FSTL5: variants seen among roughly 807,000 people sequenced by gnomAD.
FSTL5 encodes the protein follistatin-related protein 5.
FSTL5 carries 62 observed loss-of-function variants against 89.1 expected under a neutral mutation model. The ratio of observed to expected loss-of-function variants is 0.70; its 90% CI spans 0.57 to 0.86. The LOEUF is 0.86. Among genes scored for constraint, FSTL5 ranks in the 40% least tolerant of loss-of-function variants. The pLI is 0.00. For missense variants in FSTL5, 1,057 were observed against 1,001.6 expected, an observed-to-expected ratio of 1.06 and a Z score of -0.75; for synonymous variants, 383 against 346.2, an observed-to-expected ratio of 1.11 and a Z score of -1.18.
intron 3 of FSTL5, among the ~76,000 whole-genome samples, chr4:161,957,773 A>G (rs1269464576): frequency 6.6e-6 from 1 of 152,128 alleles, no homozygotes; most frequent in Non-Finnish European, 1.5e-5. Flanking sequence ...TAAAGTATAC[A>G]ATTTAAAGCT....
chr4:161,510,713 A>G (rs1384865991), intron 10 of FSTL5, among the ~76,000 whole-genome samples: 2 of 151,742 alleles, frequency 1.3e-5, no homozygotes, highest in Non-Finnish European at 3.0e-5. Context: ...TAGGAAGTTT[A>G]TAAGTTAGTT....
intron 3 of FSTL5, among the ~76,000 whole-genome samples, chr4:161,952,697 T>A (rs900124686): frequency 2.0e-5 from 3 of 151,852 alleles, no homozygotes; most frequent in Admixed American, 6.6e-5. Context: ...AACAAATAGA[T>A]AAAGGATGCC....
intron 4 of FSTL5, among the ~76,000 whole-genome samples, chr4:161,782,267 G>A (rs1458914957): frequency 6.6e-6 from 1 of 152,160 alleles, no homozygotes; most frequent in Non-Finnish European, 1.5e-5. Flanking sequence ...CAAAAAGCAT[G>A]ATTGCTGCAT....
At chr4:161,497,535 C>G (rs1314041062) in intron 12 of FSTL5, among the ~76,000 whole-genome samples, 1 of 152,004 alleles carries the variant, frequency 6.6e-6, no homozygotes, top group African/African-American at 2.4e-5. Flanking sequence ...ATAGTTTTCT[C>G]CTTTCTTAAA....
At chr4:161,960,861 A>C (rs1346476371) in intron 3 of FSTL5, among the ~76,000 whole-genome samples, 1 of 152,046 alleles carries the variant, frequency 6.6e-6, no homozygotes, top group Admixed American at 6.6e-5. Flanking sequence ...GGAAAAATAA[A>C]CTAACAAGTC....
intron 8 of FSTL5, among the ~76,000 whole-genome samples, chr4:161,548,221 G>T (rs1015690127): frequency 2.6e-5 from 4 of 151,660 alleles, no homozygotes; most frequent in Non-Finnish European, 5.9e-5. Context: ...GCTCACTTTT[G>T]TTCATTTAAT....
rs1228159941 is a variant in FSTL5, at chr4:161,920,405, T to C, written c.408A>G (p.Lys136=). 2 of 1,613,602 alleles carry C rather than the reference T, an allele frequency of 1.2e-6. No individual in the cohort carries two copies. The highest frequency in any genetic ancestry group is 1.7e-6 in the Non-Finnish European group (2 of 1,179,786). Residue 136 remains lysine, a splice_region_variant and synonymous_variant, in exon 4 of 16, where the codon AAA becomes AAG. Coordinates refer to ENST00000306100, the MANE Select transcript of FSTL5 (RefSeq NM_020116.5). The part of the protein sequence containing the change: ...TIVHNEDCFF[K]GDKCKTTEYS... ...ACTTAAGGTTCACCCTTCATTTACC[T>C]TTAAAGAAGCAGTCTTCATTGTGAA...
chr4:162,113,117 C>T (rs1022554338), intron 1 of FSTL5, among the ~76,000 whole-genome samples: 3 of 152,054 alleles, frequency 2.0e-5, no homozygotes, highest in African/African-American at 7.2e-5. Flanking sequence ...ATATATATTG[C>T]TTCACACCCA....
chr4:161,675,518 T>C (rs1455866260), intron 6 of FSTL5, among the ~76,000 whole-genome samples: 1 of 149,580 alleles, frequency 6.7e-6, no homozygotes, highest in African/African-American at 2.4e-5. Context: ...CTTTATATAA[T>C]TCATTTTTTA....
At chr4:161,576,578 C>A (rs905285513) in intron 8 of FSTL5, among the ~76,000 whole-genome samples, 6 of 152,126 alleles carry the variant, frequency 3.9e-5, no homozygotes, top group Admixed American at 6.5e-5. Flanking sequence ...GGAAATGATT[C>A]CCTATTTAAT....
intron 6 of FSTL5, among the ~76,000 whole-genome samples, chr4:161,724,283 TA>T (rs1164512565): frequency 1.3e-5 from 2 of 152,026 alleles, no homozygotes; most frequent in Non-Finnish European, 2.9e-5. Flanking sequence ...ACCAGAATAA[TA>T]AAATAAGCAT....
At chr4:161,860,518 C>T (rs537170156) in intron 4 of FSTL5, among the ~76,000 whole-genome samples, 3 of 152,218 alleles carry the variant, frequency 2.0e-5, no homozygotes, top group East Asian at 1.9e-4. Context: ...AAATTTCCAG[C>T]GGCTTAAAAC....
chr4:161,407,345 C>G (rs1018517440), intron 15 of FSTL5, among the ~76,000 whole-genome samples: 1 of 152,090 alleles, frequency 6.6e-6, no homozygotes, highest in South Asian at 2.1e-4. Flanking sequence ...TCTACTACAC[C>G]AACATAATTT....
At chr4:161,402,979 G>A (rs1731233716) in intron 15 of FSTL5, among the ~76,000 whole-genome samples, 1 of 151,560 alleles carries the variant, frequency 6.6e-6, no homozygotes, top group African/African-American at 2.4e-5. Context: ...CTGCCACCAC[G>A]CCCGGCTAAT....
chr4:161,673,358 C>T (rs1214808705), intron 6 of FSTL5, among the ~76,000 whole-genome samples: 1 of 151,944 alleles, frequency 6.6e-6, no homozygotes, highest in Non-Finnish European at 1.5e-5. Context: ...CAGTAAGTTA[C>T]TCAGTTTTGT....
At chr4:162,146,890 T>C (rs113266328) in intron 1 of FSTL5, among the ~76,000 whole-genome samples, 35,273 of 151,814 alleles carry the variant, frequency 0.23, 4,291 homozygotes, top group Non-Finnish European at 0.25. Context: ...TGAGTGATTC[T>C]CCTGCCTCAG....
chr4:162,075,289 G>A (rs896233715), intron 2 of FSTL5, among the ~76,000 whole-genome samples: 1 of 151,840 alleles, frequency 6.6e-6, no homozygotes, highest in African/African-American at 2.4e-5. Context: ...CAAGGGTTTG[G>A]ATGTGAGTTG....
At chr4:161,761,310 C>A (rs897645899) in intron 5 of FSTL5, among the ~76,000 whole-genome samples, 2 of 152,284 alleles carry the variant, frequency 1.3e-5, no homozygotes, top group East Asian at 1.9e-4. Flanking sequence ...AGCTCTCAGT[C>A]ATTCTCCATT....
rs148337050 is a variant in FSTL5 at position 162,011,815 on chromosome 4, C to A, written c.160+21810G>T. 1.2e-3 allele frequency among the ~76,000 whole-genome samples: 190 copies of A among 152,048 alleles called. 2 individuals carry two copies. Among genetic ancestry groups the A allele is most frequent in the African/African-American group, 4.4e-3 (183 of 41,534 alleles). On this transcript the variant is annotated intron_variant, in intron 3 of 15. Transcript: ENST00000306100. ...CCCGGCCATCAGTTTACTCTGTTAA[C>A]CCTTACACTTAGTTTCAGTTGTTTC... is the stretch of plus-strand genomic sequence containing the variant.
Sources: gnomAD v4.1 joint callset for allele counts (sites outside exome capture counted in the v4.1 genomes callset) on GRCh38, gnomAD v4.1.1 for gene constraint, MANE v1.5 for transcripts, NCBI Gene and HGNC (gene_info 2026-07-23, HGNC 2026-07-21) for gene names.